The following DSCAML1 variants were observed in gnomAD, a reference collection of about 807,000 sequenced individuals.
DSCAML1 encodes the protein cell adhesion molecule DSCAML1.
Under a neutral mutation model 200.5 loss-of-function variants are expected in DSCAML1, and 38 were observed. The ratio of observed to expected loss-of-function variants is 0.19; its 90% CI spans 0.15 to 0.25. The LOEUF is 0.25. Ranked by LOEUF, DSCAML1 falls within the 10% of genes least tolerant of loss-of-function variation. DSCAML1 has a pLI of 1.00. For missense variants in DSCAML1, 2,223 were observed against 2,858.8 expected (o/e 0.78, Z 5.07); for synonymous variants, 1,215 against 1,165.0 (o/e 1.04, Z -0.87).
At chr11:117,546,790 A>G (rs916831543) in intron 3 of DSCAML1, among the ~76,000 whole-genome samples, 1 of 152,058 alleles carries the variant, frequency 6.6e-6, no homozygotes, top group Non-Finnish European at 1.5e-5. Context: ...ATACAGCTCT[A>G]TCTTTCTCTA....
intron 11 of DSCAML1, among the ~76,000 whole-genome samples, chr11:117,499,212 T>A (rs562336168): frequency 3.8e-4 from 58 of 152,248 alleles, no homozygotes; most frequent in South Asian, 1.9e-3. Context: ...TTCCTTTTTT[T>A]AAAAATACAT....
At chr11:117,765,016 G>A (rs150333165) in intron 3 of DSCAML1, among the ~76,000 whole-genome samples, 5 of 152,268 alleles carry the variant, frequency 3.3e-5, no homozygotes, top group East Asian at 3.9e-4. Context: ...GCTTCTCAGC[G>A]GTCTCTTCAG....
At chr11:117,676,888 T>C (rs933769446) in intron 3 of DSCAML1, among the ~76,000 whole-genome samples, 4 of 151,968 alleles carry the variant, frequency 2.6e-5, no homozygotes, top group Non-Finnish European at 5.9e-5. Context: ...CAGATGTCCA[T>C]CTCAAAGGGG....
intron 8 of DSCAML1, among the ~76,000 whole-genome samples, chr11:117,507,420 A>C (rs997553810): frequency 6.6e-6 from 1 of 152,186 alleles, no homozygotes; most frequent in Non-Finnish European, 1.5e-5. Flanking sequence ...GCACCCCTGC[A>C]CTTTCAGGGC....
At chr11:117,598,632 C>G (rs2051406445) in intron 3 of DSCAML1, among the ~76,000 whole-genome samples, 1 of 152,192 alleles carries the variant, frequency 6.6e-6, no homozygotes. Context: ...ATTCCCCAAA[C>G]ATAAAGTCCA....
rs531551245 is a variant in DSCAML1, at chr11:117,679,615, G to T, written c.511+97176C>A. ...AGGTGGTTTCTAGCTCTCCTCCTGGGGGCCCTGGGCCTCTGCCCTACCTCA... is the reference window on the plus strand; with the variant it reads ...AGGTGGTTTCTAGCTCTCCTCCTGGTGGCCCTGGGCCTCTGCCCTACCTCA... On this transcript the variant is annotated intron_variant, in intron 3 of 32. Transcript: ENST00000651296. 1.4e-4 allele frequency among the ~76,000 whole-genome samples: 21 copies of T among 152,160 alleles called. No homozygotes were observed. In the East Asian group the frequency reaches 3.9e-3, roughly 28 times the overall value.
intron 3 of DSCAML1, among the ~76,000 whole-genome samples, chr11:117,728,894 T>A (rs987435198): frequency 6.6e-6 from 1 of 152,208 alleles, no homozygotes; most frequent in African/African-American, 2.4e-5. Context: ...CTAGCAGAAT[T>A]CCAGCTGGTT....
In DSCAML1 at chr11:117,518,620, G is replaced by T; in HGVS notation, c.1356C>A (p.Gly452=). The T allele has an allele frequency of 6.2e-7, 1 of 1,613,588 alleles. No individual in the cohort carries two copies. Residue 452 remains glycine, a synonymous_variant, in exon 7 of 33, where the codon GGC becomes GGA. Transcript: ENST00000651296. The surrounding 1 kb of genome is among the most constrained non-coding windows in gnomAD (Gnocchi z 6.3). Reference sequence around the variant, plus strand: ...TGGTGTACTGGTTGGTGCGGTGGCTGCCATCCCGCACGATGGGCTCATCGT... The same window carrying T: ...TGGTGTACTGGTTGGTGCGGTGGCTTCCATCCCGCACGATGGGCTCATCGT... The part of the protein sequence containing the change: ...ALDDEPIVRD[G]SHRTNQYTMS...
rs545949930 is a variant in DSCAML1, at chr11:117,642,202, G to A, written c.512-109680C>T. 6.6e-6 allele frequency among the ~76,000 whole-genome samples: 1 copy of A among 152,286 alleles called. No individual in the cohort carries two copies. Among genetic ancestry groups the A allele is most frequent in the South Asian group, 2.1e-4 (1 of 4,812 alleles). ...CAGACGGCATGACTTAGGCTCCTGC[G>A]GTATCTGAGTCTCTAGCCCACTTTT... On this transcript the variant is annotated intron_variant, in intron 3 of 32. Transcript: ENST00000651296. This position sits in a 1 kb window ranked among gnomAD's most constrained non-coding sequence, Gnocchi z 4.1.
chr11:117,778,935 C>G (rs1400490379), intron 2 of DSCAML1, among the ~76,000 whole-genome samples: 1 of 152,252 alleles, frequency 6.6e-6, no homozygotes, highest in African/African-American at 2.4e-5. Context: ...GTTCTAAGAG[C>G]TCATGGTCTA....
intron 3 of DSCAML1, among the ~76,000 whole-genome samples, chr11:117,595,088 A>ACACACACACC (rs1356090912): frequency 1.3e-5 from 2 of 151,186 alleles, no homozygotes; most frequent in Admixed American, 6.6e-5. Flanking sequence ...ACACACACAC[A>ACACACACACC]CCCTTTGATA....
chr11:117,525,495 CTG>C, intron 4 of DSCAML1, among the ~76,000 whole-genome samples: 1 of 151,502 alleles, frequency 6.6e-6, no homozygotes, highest in South Asian at 2.1e-4. Flanking sequence ...CTCAATCACT[CTG>C]TCACCCAGCC....
intron 3 of DSCAML1, among the ~76,000 whole-genome samples, chr11:117,762,249 G>A (rs927131003): frequency 5.9e-5 from 9 of 152,132 alleles, no homozygotes; most frequent in Non-Finnish European, 1.2e-4. Flanking sequence ...TATTTATCTC[G>A]TTCTGGTCTG....
intron 18 of DSCAML1, among the ~76,000 whole-genome samples, chr11:117,459,438 G>A (rs887047061): frequency 6.6e-6 from 1 of 152,224 alleles, no homozygotes; most frequent in African/African-American, 2.4e-5. Flanking sequence ...CCACTCCTGG[G>A]CCAGTGCCCT....
intron 3 of DSCAML1, among the ~76,000 whole-genome samples, chr11:117,724,248 G>A (rs973948915): frequency 2.0e-5 from 3 of 152,176 alleles, no homozygotes; most frequent in African/African-American, 4.8e-5. Flanking sequence ...CATGCACTTC[G>A]CTGAGGCCAT....
rs1415030151 is a variant in DSCAML1 at position 117,463,828 on chromosome 11, G to T, written c.3265+1114C>A. On this transcript the variant is annotated intron_variant, in intron 17 of 32. Coordinates refer to ENST00000651296, the MANE Select transcript of DSCAML1 (RefSeq NM_020693.4). This position sits in a 1 kb window ranked among gnomAD's most constrained non-coding sequence, Gnocchi z 4.0. Reference sequence around the variant, plus strand: ...GGCCCCATCTTAAAGCCCAGCTTTTGCCCCAGAATCATGAAATGAGAATCT... The same window carrying T: ...GGCCCCATCTTAAAGCCCAGCTTTTTCCCCAGAATCATGAAATGAGAATCT... Among the ~76,000 whole-genome samples, 2 of 152,136 alleles carry T rather than the reference G, an allele frequency of 1.3e-5. No homozygotes were observed. The highest frequency in any genetic ancestry group is 2.9e-5 in the Non-Finnish European group (2 of 68,022).
At chr11:117,671,857 A>T (rs1460171729) in intron 3 of DSCAML1, among the ~76,000 whole-genome samples, 1 of 151,722 alleles carries the variant, frequency 6.6e-6, no homozygotes, top group Non-Finnish European at 1.5e-5. Flanking sequence ...CACGCCTGTA[A>T]TCCCAGCACT....
At chr11:117,663,344 C>T (rs531684801) in intron 3 of DSCAML1, among the ~76,000 whole-genome samples, 1 of 152,274 alleles carries the variant, frequency 6.6e-6, no homozygotes, top group East Asian at 1.9e-4. Flanking sequence ...CTTCTGCTTC[C>T]TCTACCTTTG....
intron 11 of DSCAML1, among the ~76,000 whole-genome samples, chr11:117,487,315 T>C (rs2049094721): frequency 6.6e-6 from 1 of 151,944 alleles, no homozygotes. Context: ...ACCTGTTTTT[T>C]ATTTTTTTGA....
Sources: allele counts gnomAD v4.1 joint callset (sites outside exome capture counted in the v4.1 genomes callset), GRCh38; gene constraint gnomAD v4.1.1; non-coding constraint Gnocchi (gnomAD v3.1); transcripts MANE v1.5; gene names NCBI Gene and HGNC (gene_info 2026-07-23, HGNC 2026-07-21).